Variants in TG observed in about 807,000 individuals in gnomAD.
TG encodes the protein thyroid hormones.
A neutral mutation model predicts 324.7 loss-of-function variants in TG; 270 were observed. The observed-to-expected ratio is 0.83, with a 90% confidence interval of 0.75 to 0.92. The LOEUF is 0.92. Ranked by LOEUF, TG falls within the 40% of genes least tolerant of loss-of-function variation. TG has a pLI of 0.00. For missense variants in TG, 3,591 were observed against 3,456.4 expected (o/e 1.04, Z -0.98); for synonymous variants, 1,401 against 1,327.0 (o/e 1.06, Z -1.21).
intron 37 of TG, among the ~76,000 whole-genome samples, chr8:133,017,495 T>C (rs1178217241): frequency 6.6e-6 from 1 of 152,140 alleles, no homozygotes; most frequent in African/African-American, 2.4e-5. Flanking sequence ...AGGGTGCTGG[T>C]AAAGGGTCCT....
intron 35 of TG, among the ~76,000 whole-genome samples, chr8:133,005,220 C>T (rs900340088): frequency 2.0e-5 from 3 of 152,006 alleles, no homozygotes; most frequent in South Asian, 2.1e-4. Flanking sequence ...AGGCACACTG[C>T]GCAGGAGGTG....
chr8:133,072,375 G>T (rs1282387342), intron 41 of TG, among the ~76,000 whole-genome samples: 2 of 152,244 alleles, frequency 1.3e-5, no homozygotes, highest in Non-Finnish European at 2.9e-5. Flanking sequence ...GATTGAGAGA[G>T]GGAGGAAGTC....
At chr8:132,901,731 C>T (rs1413894168) in intron 16 of TG, among the ~76,000 whole-genome samples, 178 bp downstream of exon 16, 1 of 152,132 alleles carries the variant, frequency 6.6e-6, no homozygotes, top group Non-Finnish European at 1.5e-5. Flanking sequence ...TTCCTGAAGA[C>T]GCTCCTGCTG....
intron 4 of TG, among the ~76,000 whole-genome samples, chr8:132,872,193 T>C (rs1839541404): frequency 6.6e-6 from 1 of 151,908 alleles, no homozygotes; most frequent in Non-Finnish European, 1.5e-5. Flanking sequence ...AAAGTAAAAA[T>C]ATTGGCCGGG....
intron 41 of TG, chr8:133,039,974 CACACAT>C (rs113099362): frequency 0.24 from 336,293 of 1,430,074 alleles, 10,986 homozygotes; most frequent in Admixed American, 0.4. Flanking sequence ...CACACACACA[CACACAT>C]ACACACACCA....
Position 133,133,653 on chromosome 8 carries a change from A to C in TG, c.8181A>C (p.Thr2727=). The C allele has an allele frequency of 6.2e-7, 1 of 1,613,790 alleles. No homozygotes were observed. The highest frequency in any genetic ancestry group is 8.5e-7 in the Non-Finnish European group (1 of 1,179,832). The change falls in exon 47 of 48, where the codon ACA becomes ACC. Residue 2727 remains threonine, a synonymous_variant. Coordinates refer to ENST00000220616, the MANE Select transcript of TG (RefSeq NM_003235.5). ...CCAAGTACATCTCGTCTCTGAAGAC[A>C]TCTGCAGGTAGCAAAGCCCTGGGAC... ...FWSKYISSLK[T]SADGAKGGQS...
intron 34 of TG, among the ~76,000 whole-genome samples, chr8:132,973,694 C>G (rs1397029016): frequency 1.3e-5 from 2 of 152,162 alleles, no homozygotes; most frequent in Non-Finnish European, 2.9e-5. Flanking sequence ...TAGTGGGCAG[C>G]CACATGGAAA....
chr8:133,128,302 C>T (rs17705719), intron 45 of TG, among the ~76,000 whole-genome samples: 31,427 of 146,258 alleles, frequency 0.21, 3,858 homozygotes, highest in Admixed American at 0.28. Context: ...CCTCACTGGA[C>T]GGCATTCAAA....
chr8:133,094,211 T>C (rs965833839), intron 41 of TG, among the ~76,000 whole-genome samples: 1 of 151,722 alleles, frequency 6.6e-6, no homozygotes. Context: ...CCTACCACTT[T>C]CATTATTAGA....
At chr8:133,070,013 A>G (rs1425696588) in intron 41 of TG, among the ~76,000 whole-genome samples, 3 of 116,606 alleles carry the variant, frequency 2.6e-5, no homozygotes, top group African/African-American at 6.0e-5. Flanking sequence ...AAAAAAAAAA[A>G]AAAAAAAAAA....
chr8:132,870,833 AAT>A (rs1170655534), intron 3 of TG, among the ~76,000 whole-genome samples: 3 of 152,062 alleles, frequency 2.0e-5, no homozygotes, highest in Non-Finnish European at 4.4e-5. Flanking sequence ...TATGGACACT[AAT>A]AGAGCTGGAA....
Position 132,964,936 on chromosome 8 carries a change from A to T in TG, c.5549-1624A>T, listed in dbSNP as rs1368386528. 16 of 702,280 alleles carry T rather than the reference A, an allele frequency of 2.3e-5. No individual in the cohort carries two copies. In the East Asian group the frequency reaches 4.3e-4, roughly 19 times the overall value. 43.5% of individuals were successfully genotyped at this position (702,280 alleles called of 1,614,324 possible). A position where few individuals can be genotyped will look rare whatever the true frequency, so the allele number is the denominator to read the frequency against. Reference sequence around the variant, plus strand: ...AAGGATCTGCCAGATGCTCCCAGGTATACCTGAGAAAAGGTGTTCCAGGTA... The same window carrying T: ...AAGGATCTGCCAGATGCTCCCAGGTTTACCTGAGAAAAGGTGTTCCAGGTA... On this transcript the variant is annotated intron_variant, in intron 29 of 47. Coordinates refer to ENST00000220616, the MANE Select transcript of TG (RefSeq NM_003235.5).
chr8:133,132,882 C>G (rs1016699609), intron 46 of TG, among the ~76,000 whole-genome samples: 6 of 152,154 alleles, frequency 3.9e-5, no homozygotes, highest in African/African-American at 1.4e-4. Flanking sequence ...GAAGACACTT[C>G]CAGGAAAGGA....
intron 43 of TG, among the ~76,000 whole-genome samples, chr8:133,104,526 T>C (rs1849623036): frequency 6.6e-6 from 1 of 152,164 alleles, no homozygotes. Flanking sequence ...CAGCTGACTA[T>C]ATGAGTTGGG....
chr8:133,019,692 T>C lies in TG; in HGVS notation c.6873T>C (p.Asn2291=). 2.5e-6 allele frequency: 4 copies of C among 1,612,502 alleles called. No individual in the cohort carries two copies. The highest frequency in any genetic ancestry group is 1.6e-4 in the Middle Eastern group (1 of 6,062). The change falls in exon 39 of 48, where the codon AAT becomes AAC. Residue 2291 remains asparagine, a synonymous_variant. Coordinates refer to ENST00000220616, the MANE Select transcript of TG (RefSeq NM_003235.5). ...ATCTCAATGTGTTCATCCCTCAGAA[T>C]GTGGTGAGTTCAAAAGCACTTGCTA... The part of the protein sequence containing the change: ...CLYLNVFIPQ[N]VAPNASVLVF...
intron 22 of TG, 53 bp from the exon 23 acceptor site, chr8:132,929,023 C>T (rs1822297593): frequency 2.1e-6 from 3 of 1,444,444 alleles, no homozygotes; most frequent in Non-Finnish European, 2.9e-6. Flanking sequence ...GGCTTCTCTG[C>T]AGATGCCCTA....
chr8:132,873,044 T>A lies in TG; in HGVS notation c.479-18T>A, dbSNP rs1187979936. Reference sequence around the variant, plus strand: ...GTCTACTCATATATAAGGATTTTTTTTTCGTGAAAATGTTTAGGTCCAAGG... The same window carrying A: ...GTCTACTCATATATAAGGATTTTTTATTCGTGAAAATGTTTAGGTCCAAGG... On this transcript the variant is annotated intron_variant, in intron 4 of 47. Transcript: ENST00000220616. The A allele has an allele frequency of 2.0e-5, 33 of 1,614,100 alleles. No homozygotes were observed. The highest frequency in any genetic ancestry group is 2.7e-5 in the Non-Finnish European group (32 of 1,179,990).
chr8:132,872,477 C>CAAA (rs11359047), intron 4 of TG, among the ~76,000 whole-genome samples: 16 of 73,136 alleles, frequency 2.2e-4, no homozygotes, highest in African/African-American at 3.8e-4. Flanking sequence ...GACTCCGTCT[C>CAAA]AAAAAAAAAA....
chr8:133,099,080 G>A (rs531996021), intron 43 of TG, among the ~76,000 whole-genome samples: 2 of 152,186 alleles, frequency 1.3e-5, no homozygotes, highest in African/African-American at 4.8e-5. Context: ...AGAAAGATGG[G>A]GCCACCAGCA....
Sources: allele counts gnomAD v4.1 joint callset (sites outside exome capture counted in the v4.1 genomes callset), GRCh38; gene constraint gnomAD v4.1.1; transcripts MANE v1.5; gene names NCBI Gene and HGNC (gene_info 2026-07-23, HGNC 2026-07-21).